SAMD12: variants seen among roughly 807,000 people sequenced by gnomAD.
SAMD12 encodes sterile alpha motif domain containing 12.
Under a neutral mutation model 15.0 loss-of-function variants are expected in SAMD12, and 9 were observed. The ratio of observed to expected loss-of-function variants is 0.60; its 90% CI spans 0.36 to 1.05. The LOEUF is 1.05. SAMD12 is among the 50% of genes least tolerant of loss of function. The pLI, the probability that SAMD12 is intolerant of heterozygous loss-of-function variation, is 0.01. For missense variants in SAMD12, 230 were observed against 234.2 expected, an observed-to-expected ratio of 0.98 and a Z score of 0.12; for synonymous variants, 86 against 90.1, an observed-to-expected ratio of 0.96 and a Z score of 0.25.
At chr8:118,617,103 C>A (rs1316905504) in intron 1 of SAMD12, among the ~76,000 whole-genome samples, 1 of 152,200 alleles carries the variant, frequency 6.6e-6, no homozygotes, top group Non-Finnish European at 1.5e-5. Flanking sequence ...TTAGCAAGCC[C>A]ACTTACCCTC....
intron 4 of SAMD12, among the ~76,000 whole-genome samples, chr8:118,221,510 AAAAT>A (rs900955705): frequency 2.0e-5 from 3 of 152,194 alleles, no homozygotes; most frequent in Non-Finnish European, 4.4e-5. Flanking sequence ...CAAGAAGTAA[AAAAT>A]AAATAAATAA....
At chr8:118,174,016 G>A in the SAMD12 span, among the ~76,000 whole-genome samples, 3 of 152,162 alleles carry the variant, frequency 2.0e-5, no homozygotes, top group Admixed American at 6.5e-5. Flanking sequence ...GGACTGATGT[G>A]TAGTAAAAAG....
intron 3 of SAMD12, among the ~76,000 whole-genome samples, chr8:118,437,441 C>T (rs1040876480): frequency 3.3e-5 from 5 of 152,112 alleles, no homozygotes; most frequent in African/African-American, 9.7e-5. Flanking sequence ...GCATGTTTTT[C>T]GACACTTCCA....
chr8:118,552,704 T>G (rs1035011022), intron 2 of SAMD12, among the ~76,000 whole-genome samples: 2 of 152,088 alleles, frequency 1.3e-5, no homozygotes, highest in African/African-American at 4.8e-5. Context: ...GAGAAGGAAA[T>G]AAAGGGTATT....
At chr8:118,435,775 A>G (rs891241669) in intron 3 of SAMD12, among the ~76,000 whole-genome samples, 2 of 152,260 alleles carry the variant, frequency 1.3e-5, no homozygotes, top group Non-Finnish European at 2.9e-5. Context: ...GGTTAAAATC[A>G]TGACTGTCAT....
intron 2 of SAMD12, among the ~76,000 whole-genome samples, chr8:118,506,407 G>T (rs1377052399): frequency 6.6e-6 from 1 of 152,086 alleles, no homozygotes. Flanking sequence ...AAAACTATGA[G>T]CCATTTTGAA....
intron 3 of SAMD12, among the ~76,000 whole-genome samples, chr8:118,414,984 C>T (rs959054019): frequency 5.3e-5 from 8 of 152,216 alleles, no homozygotes; most frequent in African/African-American, 9.6e-5. Flanking sequence ...TGTGATTAGT[C>T]ATCTGTCACC....
At chr8:118,616,735 G>C (rs1464185845) in intron 1 of SAMD12, among the ~76,000 whole-genome samples, 1 of 152,190 alleles carries the variant, frequency 6.6e-6, no homozygotes, top group Non-Finnish European at 1.5e-5. Flanking sequence ...CCAACCCCTG[G>C]GTTGTGAACT....
At chr8:118,499,202 G>T (rs1824709547) in intron 2 of SAMD12, among the ~76,000 whole-genome samples, 1 of 152,182 alleles carries the variant, frequency 6.6e-6, no homozygotes, top group South Asian at 2.1e-4. Flanking sequence ...AATAGAGAAA[G>T]GGGGTACTTG....
At chr8:118,617,696 G>C (rs1008452747) in intron 1 of SAMD12, among the ~76,000 whole-genome samples, 31 of 151,842 alleles carry the variant, frequency 2.0e-4, no homozygotes, top group African/African-American at 6.8e-4. Context: ...TTGGGGATGA[G>C]GGGTAAAAAA....
At chr8:118,132,978 A>G in the SAMD12 span, among the ~76,000 whole-genome samples, 1,664 of 12,854 alleles carry the variant, frequency 0.13, 55 homozygotes, top group African/African-American at 0.33. Context: ...GTGTGTATAT[A>G]TATATATATA....
chr8:118,318,306 A>G (rs1227907374), intron 4 of SAMD12, among the ~76,000 whole-genome samples: 4 of 82,244 alleles, frequency 4.9e-5, no homozygotes, highest in African/African-American at 1.1e-4. Flanking sequence ...TGGGAGATAT[A>G]TGTGTATATA....
intron 3 of SAMD12, among the ~76,000 whole-genome samples, chr8:118,433,892 A>G (rs942393014): frequency 1.3e-5 from 2 of 152,236 alleles, no homozygotes; most frequent in Admixed American, 6.5e-5. Context: ...ACTGGATTCT[A>G]CTAAGTAGTA....
At chr8:118,523,197 T>C (rs561648386) in intron 2 of SAMD12, among the ~76,000 whole-genome samples, 1 of 152,258 alleles carries the variant, frequency 6.6e-6, no homozygotes, top group East Asian at 1.9e-4. Flanking sequence ...ACTGCTGACA[T>C]GGTTTATTGA....
the SAMD12 span, among the ~76,000 whole-genome samples, chr8:118,146,044 GC>G: frequency 2.0e-5 from 3 of 152,180 alleles, no homozygotes; most frequent in Non-Finnish European, 4.4e-5. Flanking sequence ...CAATAAACAG[GC>G]AATTTAGGTC....
intron 2 of SAMD12, among the ~76,000 whole-genome samples, chr8:118,469,460 C>A (rs1257939254): frequency 2.0e-5 from 2 of 98,998 alleles, no homozygotes; most frequent in Admixed American, 1.6e-4. Context: ...CACAAGTATA[C>A]ACATTTATAC....
intron 4 of SAMD12, among the ~76,000 whole-genome samples, chr8:118,200,588 G>A (rs1819688641): frequency 6.6e-6 from 1 of 152,084 alleles, no homozygotes; most frequent in African/African-American, 2.4e-5. Context: ...GAAAAGTGAT[G>A]GCCAAAGAAA....
intron 3 of SAMD12, among the ~76,000 whole-genome samples, chr8:118,399,808 A>G (rs557795297): frequency 6.6e-6 from 1 of 152,128 alleles, no homozygotes; most frequent in Admixed American, 6.6e-5. Context: ...TACCCAATCG[A>G]TTGTCAGACA....
At chr8:118,512,306 G>T (rs1382755097) in intron 2 of SAMD12, among the ~76,000 whole-genome samples, 5 of 152,180 alleles carry the variant, frequency 3.3e-5, no homozygotes, top group Admixed American at 3.3e-4. Context: ...AACAGACCTA[G>T]GAGATGGGAT....
Sources: gnomAD v4.1 joint callset for allele counts (sites outside exome capture counted in the v4.1 genomes callset) on GRCh38, gnomAD v4.1.1 for gene constraint, MANE v1.5 for transcripts, NCBI Gene and HGNC (gene_info 2026-07-23, HGNC 2026-07-21) for gene names.